MBTPS1: variants seen among roughly 807,000 people sequenced by gnomAD.
MBTPS1 encodes membrane bound transcription factor peptidase, site 1.
MBTPS1 carries 94 observed loss-of-function variants against 127.8 expected under a neutral mutation model. The ratio of observed to expected loss-of-function variants is 0.74; its 90% CI spans 0.62 to 0.87. The LOEUF (loss-of-function observed/expected upper bound fraction) is 0.87, where lower values mean the gene tolerates loss of function less well. MBTPS1 is among the 40% of genes least tolerant of loss of function. The pLI, the probability that MBTPS1 is intolerant of heterozygous loss-of-function variation, is 0.00. For missense variants in MBTPS1, 1,636 were observed against 1,353.2 expected, an observed-to-expected ratio of 1.21 and a Z score of -3.28; for synonymous variants, 632 against 509.4, an observed-to-expected ratio of 1.24 and a Z score of -3.24.
At chr16:84,091,109 C>T (rs773576333) in intron 7 of MBTPS1, among the ~76,000 whole-genome samples, 167 bp from the exon 8 acceptor site, 48 of 152,124 alleles carry the variant, frequency 3.2e-4, no homozygotes, top group Admixed American at 7.2e-4. Context: ...GAGGATACCA[C>T]CCGGGACGGA....
rs1158075854 is a variant in MBTPS1 at position 84,054,338 on chromosome 16, T to C, written c.*111A>G. 3.1e-6 allele frequency: 3 copies of C among 979,864 alleles called. No individual in the cohort carries two copies. Among genetic ancestry groups the C allele is most frequent in the East Asian group, 5.6e-5 (2 of 35,946 alleles). 60.7% of individuals were successfully genotyped at this position (979,864 alleles called of 1,614,324 possible). A position where few individuals can be genotyped will look rare whatever the true frequency, so the allele number is the denominator to read the frequency against. ...CATGTAGAACAGACTCTAACAAACC[T>C]GCAGCTGGAAACTGGATCCCTTTTA... On this transcript the variant is annotated 3_prime_UTR_variant, in exon 23 of 23. Transcript: ENST00000343411.
chr16:84,084,236 G>T (rs2085985561), intron 10 of MBTPS1, among the ~76,000 whole-genome samples: 2 of 152,192 alleles, frequency 1.3e-5, no homozygotes, highest in African/African-American at 4.8e-5. Context: ...GGGATTACAG[G>T]TGTGAGCCAC....
chr16:84,109,106 T>A (rs2151173657), intron 1 of MBTPS1, among the ~76,000 whole-genome samples: 1 of 152,280 alleles, frequency 6.6e-6, no homozygotes, highest in African/African-American at 2.4e-5. Context: ...GTTCTAAATA[T>A]CACTCTCCAC....
intron 3 of MBTPS1, among the ~76,000 whole-genome samples, chr16:84,098,294 G>A (rs1280670635): frequency 6.6e-6 from 1 of 152,132 alleles, no homozygotes; most frequent in Non-Finnish European, 1.5e-5. Flanking sequence ...GAAACCCCAG[G>A]AAAACATGTT....
In MBTPS1 at chr16:84,060,767, C is replaced by CA; in HGVS notation, c.2618_2619insT (p.Val874GlyfsTer5). 1 of 1,606,892 alleles carries CA rather than the reference C, an allele frequency of 6.2e-7. No homozygotes were observed. The highest frequency in any genetic ancestry group is 1.3e-5 in the African/African-American group (1 of 74,942). ...AGTGACTGAGGCTAGGCGGTGTCAC[C>CA]CCATACGATGTGTACTGGAGGAGGG... On this transcript the variant is annotated frameshift_variant, in exon 20 of 23. Transcript: ENST00000343411. LOFTEE classifies it high-confidence loss of function.
chr16:84,101,360 A>AGT (rs1317978786), intron 2 of MBTPS1, among the ~76,000 whole-genome samples: 1 of 151,900 alleles, frequency 6.6e-6, no homozygotes, highest in African/African-American at 2.4e-5. Context: ...GGACGGTGGC[A>AGT]GTCACCTATA....
intron 12 of MBTPS1, among the ~76,000 whole-genome samples, chr16:84,072,520 G>A (rs577300905): frequency 5.9e-5 from 9 of 152,290 alleles, no homozygotes; most frequent in East Asian, 3.9e-4. Context: ...GGTCAGGCGC[G>A]ATGGCTCACA....
intron 1 of MBTPS1, among the ~76,000 whole-genome samples, chr16:84,110,436 T>A (rs2086382251): frequency 6.6e-6 from 1 of 151,920 alleles, no homozygotes; most frequent in South Asian, 2.1e-4. Context: ...ACAAATCCAA[T>A]AAAATAAGTA....
At position 84,095,749 on chromosome 16, in the gene MBTPS1, G is replaced by A. The variant is rs75671195; in HGVS notation, c.478C>T (p.Arg160Cys). Residue 160 changes from arginine (R) to cysteine (C), a missense_variant, in exon 4 of 23, where the codon CGT becomes TGT. Transcript: ENST00000343411. Reference protein sequence around the residue: ...TRWSQKWQSSRPLRRASLSLG... With the variant: ...TRWSQKWQSSCPLRRASLSLG... ...GAGAGGCTGGCTCTTCGCAGGGGACGTGATGATTGCCACTTCTGGCTCCAC... is the reference window on the plus strand; with the variant it reads ...GAGAGGCTGGCTCTTCGCAGGGGACATGATGATTGCCACTTCTGGCTCCAC... The A allele has an allele frequency of 4.4e-4, 703 of 1,614,144 alleles. 1 individual carries two copies. Among genetic ancestry groups the A allele is most frequent in the Non-Finnish European group, 5.4e-4 (638 of 1,180,014 alleles).
chr16:84,105,861 G>C (rs1248739906), intron 1 of MBTPS1, among the ~76,000 whole-genome samples: 2 of 152,168 alleles, frequency 1.3e-5, no homozygotes, highest in African/African-American at 2.4e-5. Flanking sequence ...ACTGTTCTAG[G>C]AGTAGGGATA....
chr16:84,088,681 G>C (rs2086063404), intron 8 of MBTPS1, among the ~76,000 whole-genome samples: 1 of 151,734 alleles, frequency 6.6e-6, no homozygotes, highest in Non-Finnish European at 1.5e-5. Context: ...GGAGCACCAA[G>C]GGCACAGGAC....
chr16:84,094,080 C>T (rs947262120), intron 4 of MBTPS1, among the ~76,000 whole-genome samples: 2 of 152,100 alleles, frequency 1.3e-5, no homozygotes, highest in African/African-American at 2.4e-5. Context: ...TCCTTCTAGA[C>T]CCTCCTCAAT....
At chr16:84,087,236 C>T in intron 9 of MBTPS1, 122 bp downstream of exon 9, 2 of 723,028 alleles carry the variant, frequency 2.8e-6, no homozygotes, top group South Asian at 1.6e-5. Context: ...CCGGCTATTC[C>T]CATGTGAATG....
At chr16:84,102,774 C>T (rs1395894148) in intron 1 of MBTPS1, among the ~76,000 whole-genome samples, 2 of 152,192 alleles carry the variant, frequency 1.3e-5, no homozygotes, top group Non-Finnish European at 2.9e-5. Flanking sequence ...ATTTCCCTAT[C>T]AGTGATATTT....
At chr16:84,113,307 G>T (rs974101963) in intron 1 of MBTPS1, among the ~76,000 whole-genome samples, 5 of 152,154 alleles carry the variant, frequency 3.3e-5, no homozygotes, top group Non-Finnish European at 7.4e-5. Context: ...TTATGCAGAA[G>T]ACCTGGTTAT....
At chr16:84,100,828 C>T (rs552284952) in intron 2 of MBTPS1, among the ~76,000 whole-genome samples, 1 of 152,146 alleles carries the variant, frequency 6.6e-6, no homozygotes, top group African/African-American at 2.4e-5. Flanking sequence ...GCAAAGTTAA[C>T]ATTCATGTGC....
chr16:84,098,805 A>T (rs2151167044), intron 3 of MBTPS1, among the ~76,000 whole-genome samples: 1 of 152,246 alleles, frequency 6.6e-6, no homozygotes, highest in Non-Finnish European at 1.5e-5. Context: ...CTACTACTGC[A>T]AACCCTCAGA....
chr16:84,054,687 A>G, intron 22 of MBTPS1, 42 bp from the exon 23 acceptor site: 1 of 1,462,774 alleles, frequency 6.8e-7, no homozygotes. Context: ...AACGCCACAG[A>G]GCTACCATGA....
chr16:84,069,789 C>T, intron 14 of MBTPS1, 77 bp downstream of exon 14: 2 of 1,334,682 alleles, frequency 1.5e-6, no homozygotes, highest in South Asian at 1.4e-5. Flanking sequence ...AACATCTTTC[C>T]AAGAGTTGCG....
Sources: gnomAD v4.1 joint callset for allele counts (sites outside exome capture counted in the v4.1 genomes callset) on GRCh38, gnomAD v4.1.1 for gene constraint, MANE v1.5 for transcripts, NCBI Gene and HGNC (gene_info 2026-07-23, HGNC 2026-07-21) for gene names.